GPC1: variants seen among roughly 807,000 people sequenced by gnomAD.
The protein encoded by GPC1 is glypican 1.
Under a neutral mutation model 51.5 loss-of-function variants are expected in GPC1, and 26 were observed. That is an observed-to-expected ratio of 0.50 (90% confidence interval 0.37 to 0.70). The LOEUF is 0.70. GPC1 is among the 30% of genes least tolerant of loss of function. The pLI is 0.00. For missense variants in GPC1, 775 were observed against 800.5 expected (o/e 0.97, Z 0.38); for synonymous variants, 380 against 348.3 (o/e 1.09, Z -1.01).
At chr2:240,453,813 C>T (rs1385412810) in intron 1 of GPC1, among the ~76,000 whole-genome samples, 1 of 152,012 alleles carries the variant, frequency 6.6e-6, no homozygotes, top group African/African-American at 2.4e-5. Flanking sequence ...GCGCCCGGGA[C>T]CCCCAGGGCG....
In GPC1 at chr2:240,462,356, C is replaced by A; in HGVS notation, c.491C>A (p.Ala164Asp). ...GANLHLEETL[A>D]EFWARLLERL... The stretch of plus-strand genomic sequence containing the variant: ...AACCTGCACCTGGAGGAGACGCTGG[C>A]CGAGTTCTGGGCCCGCCTGCTCGAG... The change falls in exon 3 of 9, where the codon GCC becomes GAC. Residue 164 changes from alanine (A) to aspartate (D), a missense_variant. Physicochemically the swap from Ala to Asp is moderately radical, Grantham distance 126. Coordinates refer to ENST00000264039, the MANE Select transcript of GPC1 (RefSeq NM_002081.3). 1.3e-6 allele frequency: 2 copies of A among 1,596,248 alleles called. No homozygotes were observed. Among genetic ancestry groups the A allele is most frequent in the Non-Finnish European group, 1.7e-6 (2 of 1,172,194 alleles).
At chr2:240,449,818 G>A (rs1295440411) in intron 1 of GPC1, 1 of 469,154 alleles carries the variant, frequency 2.1e-6, no homozygotes, top group East Asian at 6.9e-5. Context: ...GTCCTTTCGT[G>A]TCTGGCTTCT....
Position 240,463,521 on chromosome 2 carries a change from C to T in GPC1, c.883+9C>T. Reference sequence around the variant, plus strand: ...GTGGAGGAACCTCCTGGGTGAGCCCCCACCCGCGAGAGCGGCCTGGAACTG... The same window carrying T: ...GTGGAGGAACCTCCTGGGTGAGCCCTCACCCGCGAGAGCGGCCTGGAACTG... On this transcript the variant is annotated intron_variant, in intron 4 of 8. Transcript: ENST00000264039. 6.2e-7 allele frequency: 1 copy of T among 1,611,922 alleles called. No homozygotes were observed. Among genetic ancestry groups the T allele is most frequent in the South Asian group, 1.1e-5 (1 of 91,052 alleles).
chr2:240,447,267 G>C (rs140443594), intron 1 of GPC1, among the ~76,000 whole-genome samples: 1 of 152,132 alleles, frequency 6.6e-6, no homozygotes, highest in Admixed American at 6.5e-5. Context: ...GAGATCCCTC[G>C]AGCTATGCCC....
intron 1 of GPC1, among the ~76,000 whole-genome samples, chr2:240,438,550 C>A (rs1162257955): frequency 6.6e-6 from 1 of 152,212 alleles, no homozygotes; most frequent in African/African-American, 2.4e-5. Flanking sequence ...TCCAGGGGGA[C>A]CTCCTCAGAG....
Position 240,448,241 on chromosome 2 carries a change from G to A in GPC1, c.167-10789G>A, listed in dbSNP as rs1368675983. On this transcript the variant is annotated intron_variant, in intron 1 of 8. Transcript: ENST00000264039. This position sits in a 1 kb window ranked among gnomAD's most constrained non-coding sequence, Gnocchi z 4.5. Reference sequence around the variant, plus strand: ...TAGGGGCCTCTCCCTTCCCCTACGGGATGGGGCTGGTTCGTTCCCCCAGGC... The same window carrying A: ...TAGGGGCCTCTCCCTTCCCCTACGGAATGGGGCTGGTTCGTTCCCCCAGGC... Among the ~76,000 whole-genome samples the A allele has an allele frequency of 6.6e-6, 1 of 152,130 alleles. No individual in the cohort carries two copies. Among genetic ancestry groups the A allele is most frequent in the Admixed American group, 6.5e-5 (1 of 15,282 alleles).
chr2:240,436,440 G>T (rs1269330341), intron 1 of GPC1, among the ~76,000 whole-genome samples: 4 of 152,036 alleles, frequency 2.6e-5, no homozygotes, highest in Non-Finnish European at 5.9e-5. Context: ...CCCGCCGCTC[G>T]GCCCAGCGCG....
At position 240,465,579 on chromosome 2, in the gene GPC1, C is replaced by G; in HGVS notation, c.1375C>G (p.Gln459Glu). 1 of 1,613,104 alleles carries G rather than the reference C, an allele frequency of 6.2e-7. No individual in the cohort carries two copies. The highest frequency in any genetic ancestry group is 8.5e-7 in the Non-Finnish European group (1 of 1,179,942). ...CATGACCATCCGGCAGCAGATCATG[C>G]AGCTGAAGATCATGACCAACCGGCT... ...PDMTIRQQIMQLKIMTNRLRS... is the reference protein window; with the variant it reads ...PDMTIRQQIMELKIMTNRLRS... Residue 459 changes from glutamine to glutamate, a missense_variant, in exon 8 of 9, where the codon CAG becomes GAG. Gln to Glu is a conservative substitution (Grantham distance 29). Coordinates refer to ENST00000264039, the MANE Select transcript of GPC1 (RefSeq NM_002081.3).
At chr2:240,441,165 C>T (rs896488264) in intron 1 of GPC1, among the ~76,000 whole-genome samples, 3 of 152,352 alleles carry the variant, frequency 2.0e-5, no homozygotes, top group African/African-American at 2.4e-5. Flanking sequence ...TACAGCAGGA[C>T]GGGGGGCATA....
At position 240,454,853 on chromosome 2, in the gene GPC1, C is replaced by T. The variant is rs140982320; in HGVS notation, c.167-4177C>T. 802 of 172,194 alleles carry T rather than the reference C, an allele frequency of 4.7e-3. 4 individuals are homozygous for T. The highest frequency in any genetic ancestry group is 0.018 in the African/African-American group (756 of 41,652). 10.7% of individuals were successfully genotyped at this position (172,194 alleles called of 1,614,324 possible). ...CTCCAGAGCCACTGGTCACGGGCAG[C>T]TGCCAGGCTGGGTCTGGACAAATGA... On this transcript the variant is annotated intron_variant, in intron 1 of 8. Transcript: ENST00000264039.
intron 1 of GPC1, chr2:240,442,650 C>T (rs560661344): frequency 6.6e-6 from 1 of 152,326 alleles, no homozygotes; most frequent in African/African-American, 2.4e-5. Context: ...CACACAGACT[C>T]CACACCCAAA....
intron 1 of GPC1, chr2:240,450,730 C>A: frequency 2.1e-6 from 1 of 469,112 alleles, no homozygotes; most frequent in South Asian, 1.6e-5. Context: ...CGTGTTCGCT[C>A]CAGTGCCAAC....
intron 4 of GPC1, chr2:240,464,071 G>T: frequency 4.9e-6 from 1 of 205,442 alleles, no homozygotes; most frequent in Non-Finnish European, 1.0e-5. Context: ...GCATGCATCT[G>T]TGCCAACACG....
chr2:240,443,073 G>C (rs983887205), intron 1 of GPC1, among the ~76,000 whole-genome samples: 3 of 152,392 alleles, frequency 2.0e-5, no homozygotes, highest in East Asian at 3.9e-4. Flanking sequence ...TGGCAGGGCC[G>C]GGCCACTCAG....
In GPC1 at chr2:240,466,188, A is replaced by C. The variant is rs201202757; in HGVS notation, c.1575A>C (p.Glu525Asp). ...THALPGLSEQ[E>D]GQKTSAASCP... Reference sequence around the variant, plus strand: ...CCCTCCCAGGCCTGTCAGAGCAGGAAGGACAGAAGACCTCGGCTGCCAGCT... The same window carrying C: ...CCCTCCCAGGCCTGTCAGAGCAGGACGGACAGAAGACCTCGGCTGCCAGCT... The change falls in exon 9 of 9, where the codon GAA (glutamate) becomes GAC (aspartate). Residue 525 changes from glutamate to aspartate, a missense_variant. Transcript: ENST00000264039. 56 of 1,612,738 alleles carry C rather than the reference A, an allele frequency of 3.5e-5. No individual in the cohort carries two copies. Among genetic ancestry groups the C allele is most frequent in the Middle Eastern group, 1.6e-4 (1 of 6,082 alleles).
intron 2 of GPC1, among the ~76,000 whole-genome samples, chr2:240,459,418 G>T (rs1574775173): frequency 6.6e-6 from 1 of 152,304 alleles, no homozygotes; most frequent in East Asian, 1.9e-4. Context: ...AGTGTGCACA[G>T]CCCATTCCCA....
chr2:240,447,955 G>A (rs1225834045), intron 1 of GPC1, among the ~76,000 whole-genome samples: 3 of 152,094 alleles, frequency 2.0e-5, no homozygotes, highest in East Asian at 1.9e-4. Flanking sequence ...ACGCAGTGTC[G>A]GCGCTCCCAT....
chr2:240,463,183 G>A (rs1276975668), intron 3 of GPC1, among the ~76,000 whole-genome samples, 164 bp from the exon 4 acceptor site: 1 of 152,136 alleles, frequency 6.6e-6, no homozygotes, highest in Non-Finnish European at 1.5e-5. Flanking sequence ...CGTCTGGGCT[G>A]GCAGGCCCTG....
At position 240,451,161 on chromosome 2, in the gene GPC1, C is replaced by T. The variant is rs78083916; in HGVS notation, c.167-7869C>T. 3.3e-3 allele frequency: 1,564 copies of T among 471,196 alleles called. 15 individuals carry two copies. Among genetic ancestry groups the T allele is most frequent in the African/African-American group, 0.029 (1,430 of 50,162 alleles). 29.2% of individuals were successfully genotyped at this position (471,196 alleles called of 1,614,324 possible). On this transcript the variant is annotated intron_variant, in intron 1 of 8. Transcript: ENST00000264039. ...AGTGTTTATGAGCCATCCCTCTTGG[C>T]GGGCTCCCTCCAGAGGCACCCAAGG...
Sources: gnomAD v4.1 joint callset for allele counts (sites outside exome capture counted in the v4.1 genomes callset) on GRCh38, gnomAD v4.1.1 for gene constraint, Gnocchi (gnomAD v3.1) non-coding constraint, MANE v1.5 for transcripts, NCBI Gene and HGNC (gene_info 2026-07-23, HGNC 2026-07-21) for gene names.